Variants in MRAP2 observed in about 807,000 individuals in gnomAD.
MRAP2 encodes the protein melanocortin-2 receptor accessory protein 2.
In MRAP2, 20 loss-of-function variants were observed where a neutral mutation model predicts 17.4. That is an observed-to-expected ratio of 1.15 (90% CI 0.81 to 1.67). The LOEUF is 1.67. MRAP2 is among the 40% of genes most tolerant of loss of function. The pLI, the probability that MRAP2 is intolerant of heterozygous loss-of-function variation, is 0.00. For synonymous variants in MRAP2, 96 were observed against 88.4 expected (o/e 1.09, Z -0.48); for missense variants, 238 against 240.0 (o/e 0.99, Z 0.05).
At chr6:84,047,749 G>A (rs2099489409) in intron 1 of MRAP2, among the ~76,000 whole-genome samples, 2 of 152,110 alleles carry the variant, frequency 1.3e-5, no homozygotes, top group South Asian at 4.1e-4. Flanking sequence ...TGGTGCAAAA[G>A]TAATCATGGT....
At chr6:84,036,342 C>G (rs1033916746) in intron 1 of MRAP2, among the ~76,000 whole-genome samples, 1 of 152,142 alleles carries the variant, frequency 6.6e-6, no homozygotes, top group Non-Finnish European at 1.5e-5. Flanking sequence ...AGATTTACTT[C>G]CTTCATCCCA....
chr6:84,062,040 A>G (rs2099493302), intron 2 of MRAP2: 1 of 985,348 alleles, frequency 1.0e-6, no homozygotes, highest in African/African-American at 1.7e-5. Context: ...AGAAGTAATG[A>G]GAGCCTGAAT....
intron 3 of MRAP2, among the ~76,000 whole-genome samples, chr6:84,072,135 G>T (rs1427022950): frequency 6.6e-6 from 1 of 152,004 alleles, no homozygotes; most frequent in Non-Finnish European, 1.5e-5. Flanking sequence ...ATTTTTAGGG[G>T]GTGTTAAAGA....
At chr6:84,050,936 T>C (rs928826778) in intron 1 of MRAP2, among the ~76,000 whole-genome samples, 2 of 152,208 alleles carry the variant, frequency 1.3e-5, no homozygotes, top group African/African-American at 4.8e-5. Flanking sequence ...TTGGAATGCC[T>C]TAGTAGCTGT....
chr6:84,069,072 C>T (rs767273790), intron 3 of MRAP2, among the ~76,000 whole-genome samples: 1 of 151,928 alleles, frequency 6.6e-6, no homozygotes, highest in Non-Finnish European at 1.5e-5. Context: ...TCCTCTTTAC[C>T]GATTTGGATG....
chr6:84,068,784 C>CTTTTTTTTT (rs34220070), intron 3 of MRAP2, among the ~76,000 whole-genome samples: 1 of 55,196 alleles, frequency 1.8e-5, no homozygotes, highest in African/African-American at 8.1e-5. Flanking sequence ...TTGCTGAATT[C>CTTTTTTTTT]TTTTTTTTTT....
At chr6:84,111,540 C>A in the MRAP2 span, among the ~76,000 whole-genome samples, 3,519 of 152,254 alleles carry the variant, frequency 0.023, 137 homozygotes, top group African/African-American at 0.079. Context: ...ACAATCATGT[C>A]ATCTGCAAAA....
At chr6:84,063,273 A>C in intron 3 of MRAP2, 1 of 985,270 alleles carries the variant, frequency 1.0e-6, no homozygotes, top group Non-Finnish European at 1.2e-6. Flanking sequence ...TTACATTGAA[A>C]TGTTTATTAA....
chr6:84,088,939 T>C, intron 3 of MRAP2, 152 bp from the exon 4 acceptor site: 1 of 816,766 alleles, frequency 1.2e-6, no homozygotes, highest in East Asian at 2.7e-5. Flanking sequence ...ATTTCTCTTA[T>C]TTCTCATGTT....
the MRAP2 span, among the ~76,000 whole-genome samples, chr6:84,107,570 T>C: frequency 6.6e-6 from 1 of 152,202 alleles, no homozygotes; most frequent in Non-Finnish European, 1.5e-5. Context: ...AAGATCTTTG[T>C]GAACCAAATT....
chr6:84,115,645 CT>C, the MRAP2 span, among the ~76,000 whole-genome samples: 1 of 152,148 alleles, frequency 6.6e-6, no homozygotes, highest in South Asian at 2.1e-4. Flanking sequence ...ACTCCTGCAG[CT>C]AGCTCAGTGT....
At chr6:84,105,356 T>A in the MRAP2 span, among the ~76,000 whole-genome samples, 1 of 152,130 alleles carries the variant, frequency 6.6e-6, no homozygotes, top group African/African-American at 2.4e-5. Flanking sequence ...AGCCTCACAA[T>A]CATGGCAGAA....
the MRAP2 span, among the ~76,000 whole-genome samples, chr6:84,140,492 G>A: frequency 9.8e-4 from 149 of 152,034 alleles, no homozygotes; most frequent in Non-Finnish European, 1.3e-3. Context: ...GGAAGCCTCC[G>A]GCAACCATGG....
intron 1 of MRAP2, among the ~76,000 whole-genome samples, chr6:84,053,137 A>G (rs2099490864): frequency 6.6e-6 from 1 of 152,174 alleles, no homozygotes; most frequent in African/African-American, 2.4e-5. Flanking sequence ...TGGCCGTGGG[A>G]GAACAGCTCT....
At position 84,055,355 on chromosome 6, in the gene MRAP2, C is replaced by G. The variant is rs1282305208; in HGVS notation, c.37C>G (p.Gln13Glu). ...GAGGTTAATTTCTAACAGAACCTCC[C>G]AGCAATCGGCATCTAATTCTGATTA... ...AQRLISNRTS[Q>E]QSASNSDYTW... The change falls in exon 2 of 4, where the codon CAG (glutamine) becomes GAG (glutamate). Residue 13 changes from glutamine to glutamate, a missense_variant. By Grantham distance (29) the Gln-to-Glu change is conservative. Transcript: ENST00000257776. 6.2e-7 allele frequency: 1 copy of G among 1,613,726 alleles called. No homozygotes were observed. Among genetic ancestry groups the G allele is most frequent in the African/African-American group, 1.3e-5 (1 of 74,990 alleles).
At chr6:84,138,758 A>T in the MRAP2 span, among the ~76,000 whole-genome samples, 6 of 152,332 alleles carry the variant, frequency 3.9e-5, no homozygotes, top group East Asian at 1.2e-3. Flanking sequence ...TATCTTGCAA[A>T]CAGGTACATA....
intron 1 of MRAP2, among the ~76,000 whole-genome samples, chr6:84,040,961 G>T (rs1588619826): frequency 6.6e-6 from 1 of 152,200 alleles, no homozygotes; most frequent in African/African-American, 2.4e-5. Context: ...CAAGACAAAG[G>T]GGAAAATGTC....
the MRAP2 span, chr6:84,125,168 C>A: frequency 1.2e-6 from 2 of 1,613,542 alleles, no homozygotes; most frequent in Admixed American, 1.7e-5. Context: ...GAGTCTAGTT[C>A]TGTGCGGAAC....
chr6:84,092,763 G>A (rs748910539), downstream of MRAP2, among the ~76,000 whole-genome samples: 5 of 151,876 alleles, frequency 3.3e-5, no homozygotes, highest in Admixed American at 1.3e-4. Context: ...GGTGGGTTTC[G>A]CATCCCAAGA....
Sources: allele counts gnomAD v4.1 joint callset (sites outside exome capture counted in the v4.1 genomes callset), GRCh38; gene constraint gnomAD v4.1.1; transcripts MANE v1.5; gene names NCBI Gene and HGNC (gene_info 2026-07-23, HGNC 2026-07-21).